The following LDB2 variants were observed in gnomAD, a reference collection of about 807,000 sequenced individuals.
The protein encoded by LDB2 is LIM domain-binding protein 2.
A neutral mutation model predicts 44.3 loss-of-function variants in LDB2; 12 were observed. The ratio of observed to expected loss-of-function variants is 0.27; its 90% CI spans 0.17 to 0.44. LDB2 has a LOEUF of 0.44. Among genes scored for constraint, LDB2 ranks in the 20% least tolerant of loss-of-function variants. LDB2 has a pLI of 1.00. For missense variants in LDB2, 344 were observed against 473.5 expected, an observed-to-expected ratio of 0.73 and a Z score of 2.54; for synonymous variants, 164 against 174.8, an observed-to-expected ratio of 0.94 and a Z score of 0.49.
intron 2 of LDB2, among the ~76,000 whole-genome samples, chr4:16,639,303 A>G (rs74429435): frequency 6.6e-6 from 1 of 152,352 alleles, no homozygotes; most frequent in African/African-American, 2.4e-5. Context: ...GGTCTATAGA[A>G]ATTTAGCATG....
chr4:16,798,534 G>A (rs1777170112), intron 1 of LDB2, among the ~76,000 whole-genome samples: 1 of 152,208 alleles, frequency 6.6e-6, no homozygotes, highest in African/African-American at 2.4e-5. Flanking sequence ...GCACCTTCCT[G>A]GCTAGTGACT....
At chr4:16,847,542 T>A (rs907409603) in intron 1 of LDB2, among the ~76,000 whole-genome samples, 1 of 152,250 alleles carries the variant, frequency 6.6e-6, no homozygotes, top group African/African-American at 2.4e-5. Context: ...TAACTTATCA[T>A]CTTATTAAAT....
intron 5 of LDB2, among the ~76,000 whole-genome samples, chr4:16,518,576 G>A (rs1049360880): frequency 4.6e-5 from 7 of 151,664 alleles, no homozygotes; most frequent in East Asian, 1.9e-4. Flanking sequence ...CTAAATATCC[G>A]TGCTTTCTTA....
intron 2 of LDB2, among the ~76,000 whole-genome samples, chr4:16,755,744 TCCACCTTAC>T (rs530184671): frequency 6.6e-6 from 1 of 152,136 alleles, no homozygotes; most frequent in Non-Finnish European, 1.5e-5. Flanking sequence ...TTTCCTAGAG[TCCACCTTAC>T]CCAAAGGATA....
chr4:16,678,744 G>A (rs1746986950), intron 2 of LDB2, among the ~76,000 whole-genome samples: 1 of 152,186 alleles, frequency 6.6e-6, no homozygotes, highest in African/African-American at 2.4e-5. Flanking sequence ...GGCAGGGCCT[G>A]GAGGCAGATG....
intron 1 of LDB2, among the ~76,000 whole-genome samples, chr4:16,768,932 T>C (rs752243937): frequency 7.9e-5 from 12 of 152,202 alleles, no homozygotes. Flanking sequence ...GCTATCAAAT[T>C]GCCACGAAAG....
intron 2 of LDB2, among the ~76,000 whole-genome samples, chr4:16,616,330 A>C (rs185054657): frequency 6.6e-6 from 1 of 152,282 alleles, no homozygotes; most frequent in African/African-American, 2.4e-5. Context: ...TGCCATAAAG[A>C]TTAAATAACA....
intron 2 of LDB2, among the ~76,000 whole-genome samples, chr4:16,663,856 T>C (rs1173797723): frequency 2.0e-5 from 3 of 152,120 alleles, no homozygotes. Context: ...GCAATTCCAA[T>C]GAGTAGAATC....
At chr4:16,546,499 A>G (rs1244214629) in intron 5 of LDB2, among the ~76,000 whole-genome samples, 1 of 152,244 alleles carries the variant, frequency 6.6e-6, no homozygotes, top group Non-Finnish European at 1.5e-5. Flanking sequence ...TGTAAGCATC[A>G]GAGAATCTGG....
intron 1 of LDB2, among the ~76,000 whole-genome samples, chr4:16,787,666 T>C (rs1229246536): frequency 6.6e-6 from 1 of 151,922 alleles, no homozygotes; most frequent in African/African-American, 2.4e-5. Context: ...AAACATAGGG[T>C]GTTACAACAG....
Position 16,872,913 on chromosome 4 carries a change from G to A in LDB2, c.132+25441C>T, listed in dbSNP as rs369431974. On this transcript the variant is annotated intron_variant, in intron 1 of 7. Transcript: ENST00000304523. Reference sequence around the variant, plus strand: ...GATCCACTATATTCAAAGCAAGGCTGTCCAGATCATTGTCGGGGAGCCCAC... The same window carrying A: ...GATCCACTATATTCAAAGCAAGGCTATCCAGATCATTGTCGGGGAGCCCAC... 1.6e-4 allele frequency among the ~76,000 whole-genome samples: 24 copies of A among 152,310 alleles called. No homozygotes were observed. In the East Asian group the frequency reaches 3.1e-3, roughly 20 times the overall value.
At chr4:16,766,832 T>C (rs977096106) in intron 1 of LDB2, among the ~76,000 whole-genome samples, 3 of 152,106 alleles carry the variant, frequency 2.0e-5, no homozygotes, top group African/African-American at 7.2e-5. Context: ...TCTCTTTCCT[T>C]ATATAAGCTA....
intron 1 of LDB2, 54 bp from the exon 2 acceptor site, chr4:16,759,314 G>C (rs1228188689): frequency 4.6e-6 from 6 of 1,298,138 alleles, no homozygotes; most frequent in South Asian, 2.4e-5. Flanking sequence ...ATATCTCAAA[G>C]AGGAAGAGAA....
chr4:16,546,797 GCT>G (rs960459214), intron 5 of LDB2, among the ~76,000 whole-genome samples: 1 of 152,082 alleles, frequency 6.6e-6, no homozygotes, highest in African/African-American at 2.4e-5. Context: ...TGGGTTTCTA[GCT>G]CTCTCTTCTC....
At chr4:16,809,123 G>C (rs568368008) in intron 1 of LDB2, among the ~76,000 whole-genome samples, 1 of 152,242 alleles carries the variant, frequency 6.6e-6, no homozygotes, top group South Asian at 2.1e-4. Context: ...GGAGATGGCA[G>C]AGCTACAATT....
At chr4:16,557,452 G>A (rs1340289635) in intron 5 of LDB2, among the ~76,000 whole-genome samples, 1 of 152,208 alleles carries the variant, frequency 6.6e-6, no homozygotes, top group East Asian at 1.9e-4. Flanking sequence ...GAATCTCGCT[G>A]ATTGCTAGCA....
chr4:16,564,806 A>G (rs1577777210), intron 5 of LDB2, among the ~76,000 whole-genome samples: 1 of 152,210 alleles, frequency 6.6e-6, no homozygotes, highest in African/African-American at 2.4e-5. Context: ...AAGTTCTCAT[A>G]GGAGAATTCT....
At chr4:16,563,294 C>A (rs1241285122) in intron 5 of LDB2, among the ~76,000 whole-genome samples, 2 of 151,514 alleles carry the variant, frequency 1.3e-5, no homozygotes, top group Non-Finnish European at 2.9e-5. Context: ...TCGTTTCTAT[C>A]TGTGATTTTT....
chr4:16,718,661 G>A (rs953674632), intron 2 of LDB2, among the ~76,000 whole-genome samples: 2 of 152,010 alleles, frequency 1.3e-5, no homozygotes, highest in Admixed American at 6.6e-5. Context: ...TGAGAATCAC[G>A]GAGTACTTCC....
Sources: gnomAD v4.1 joint callset for allele counts (sites outside exome capture counted in the v4.1 genomes callset) on GRCh38, gnomAD v4.1.1 for gene constraint, MANE v1.5 for transcripts, NCBI Gene and HGNC (gene_info 2026-07-23, HGNC 2026-07-21) for gene names.